Variants in TXNRD3 observed in about 807,000 individuals in gnomAD.
TXNRD3 encodes TXNRD3 neighbor gene protein.
A neutral mutation model predicts 78.2 loss-of-function variants in TXNRD3; 68 were observed. The observed-to-expected ratio is 0.87, with a 90% CI of 0.72 to 1.06. TXNRD3 has a LOEUF of 1.06. TXNRD3 is among the 50% of genes least tolerant of loss of function. The pLI, the probability that TXNRD3 is intolerant of heterozygous loss-of-function variation, is 0.00. For missense variants in TXNRD3, 751 were observed against 809.5 expected (o/e 0.93, Z 0.88); for synonymous variants, 296 against 300.1 (o/e 0.99, Z 0.14).
rs143350675 is a variant in TXNRD3 at position 126,631,508 on chromosome 3, C to T, written c.971+256G>A. Among the ~76,000 whole-genome samples, 31 of 151,948 alleles carry T rather than the reference C, an allele frequency of 2.0e-4. No individual in the cohort carries two copies. In the Middle Eastern group the frequency reaches 0.01, roughly 50 times the overall value. ...GTTTTGGCCTGTAAGAAGTTTAGAA[C>T]AAAACTCCCAGGCTACTTCTAGGAA... On this transcript the variant is annotated intron_variant, in intron 8 of 15. Transcript: ENST00000524230.
At chr3:126,616,286 C>A (rs982098335) in intron 12 of TXNRD3, among the ~76,000 whole-genome samples, 1 of 152,126 alleles carries the variant, frequency 6.6e-6, no homozygotes, top group Non-Finnish European at 1.5e-5. Flanking sequence ...GCCTGCTCAG[C>A]CACAGCCCCT....
At chr3:126,641,926 T>C (rs1216916272) in intron 6 of TXNRD3, 106 bp downstream of exon 6, 76 of 1,320,688 alleles carry the variant, frequency 5.8e-5, no homozygotes, top group Non-Finnish European at 7.3e-5. Flanking sequence ...TGAATGTTCA[T>C]TAAATGAATT....
chr3:126,654,967 C>A lies in TXNRD3; in HGVS notation c.24G>T (p.Ser8=), dbSNP rs1429838951. Residue 8 remains serine, a synonymous_variant, in exon 1 of 16, where the codon TCG becomes TCT. Transcript: ENST00000524230. ...CATCGCCCGCCTTTCCCGGCCCGGGCGACTGCGGCGGCGACCGCTCCAGAG... is the reference window on the plus strand; with the variant it reads ...CATCGCCCGCCTTTCCCGGCCCGGGAGACTGCGGCGGCGACCGCTCCAGAG... The A allele has an allele frequency of 3.1e-6, 4 of 1,299,028 alleles. No homozygotes were observed. The highest frequency in any genetic ancestry group is 4.0e-5 in the Admixed American group (1 of 24,758). The allele number at this position is 1,299,028 out of a possible 1,614,324, so 80.5% of individuals were successfully genotyped here.
At position 126,646,001 on chromosome 3, in the gene TXNRD3, T is replaced by G. The variant is rs2107627660; in HGVS notation, c.414+110A>C. On this transcript the variant is annotated intron_variant, in intron 3 of 15. Coordinates refer to ENST00000524230, the MANE Select transcript of TXNRD3 (RefSeq NM_052883.3). ...TGATAATTATCCTATATGCTTCATT[T>G]TATAACTTCCAAAAGATGAGTGGAC... 5 of 791,890 alleles carry G rather than the reference T, an allele frequency of 6.3e-6. No homozygotes were observed. The South Asian group carries it at 1.1e-4, about 17-fold the overall frequency. 49.1% of individuals were successfully genotyped at this position (791,890 alleles called of 1,614,324 possible).
chr3:126,612,194 C>T (rs893229406), intron 13 of TXNRD3, among the ~76,000 whole-genome samples: 7 of 152,030 alleles, frequency 4.6e-5, no homozygotes, highest in Non-Finnish European at 1.0e-4. Flanking sequence ...CGCATCTCCA[C>T]ACCTGGCTAA....
intron 1 of TXNRD3, among the ~76,000 whole-genome samples, chr3:126,650,649 A>AG (rs1489057896): frequency 6.6e-6 from 1 of 152,086 alleles, no homozygotes; most frequent in Admixed American, 6.5e-5. Context: ...TCAGAAAAAA[A>AG]AAAAAGACCT....
At chr3:126,621,591 T>C (rs951116263) in intron 12 of TXNRD3, 151 bp downstream of exon 12, 2 of 739,516 alleles carry the variant, frequency 2.7e-6, no homozygotes, top group African/African-American at 3.5e-5. Context: ...AAAATACTTA[T>C]TTTAATCCAT....
chr3:126,611,362 C>A (rs1014760888), intron 13 of TXNRD3, among the ~76,000 whole-genome samples: 14 of 152,080 alleles, frequency 9.2e-5, no homozygotes, highest in African/African-American at 3.4e-4. Context: ...TTAGTCCAAG[C>A]AAAAATCCAC....
Position 126,647,290 on chromosome 3 carries a change from C to T in TXNRD3, c.250G>A (p.Glu84Lys). Residue 84 changes from glutamate (E) to lysine (K), a missense_variant, in exon 2 of 16, where the codon GAA (glutamate) becomes AAA (lysine). Glu to Lys is a moderately conservative substitution (Grantham distance 56). Coordinates refer to ENST00000524230, the MANE Select transcript of TXNRD3 (RefSeq NM_052883.3). ...TCGACTCCCAAAGAAGAAAAGAGTTCTTTCACCTGTAAAAAAAATTTAGCT... is the reference window on the plus strand; with the variant it reads ...TCGACTCCCAAAGAAGAAAAGAGTTTTTTCACCTGTAAAAAAAATTTAGCT... 1 of 1,535,030 alleles carries T rather than the reference C, an allele frequency of 6.5e-7. No individual in the cohort carries two copies. Among genetic ancestry groups the T allele is most frequent in the Admixed American group, 2.0e-5 (1 of 50,824 alleles).
chr3:126,646,140 G>A lies in TXNRD3; in HGVS notation c.385C>T (p.His129Tyr), dbSNP rs774225065. ...AAAGTTTGGTCACATCCACCTACAT[G>A]CACTTTATTCACGAAAATATTGGGC... Residue 129 changes from histidine (H) to tyrosine (Y), a missense_variant, in exon 3 of 16, where the codon CAT (histidine) becomes TAT (tyrosine). His to Tyr is a moderately conservative substitution (Grantham distance 83). Coordinates refer to ENST00000524230, the MANE Select transcript of TXNRD3 (RefSeq NM_052883.3). The A allele has an allele frequency of 2.6e-6, 4 of 1,532,666 alleles. No individual in the cohort carries two copies. In the South Asian group the frequency reaches 4.8e-5, roughly 18 times the overall value. The allele number at this position is 1,532,666 out of a possible 1,614,324, so 94.9% of individuals were successfully genotyped here. A position where few individuals can be genotyped will look rare whatever the true frequency, so the allele number is the denominator to read the frequency against.
intron 13 of TXNRD3, among the ~76,000 whole-genome samples, chr3:126,611,843 AT>A (rs1213028595): frequency 6.6e-6 from 1 of 152,224 alleles, no homozygotes; most frequent in Non-Finnish European, 1.5e-5. Flanking sequence ...ATGGATTTAA[AT>A]TTAAAAATAC....
rs1444920526 is a variant in TXNRD3, at chr3:126,636,026, G to A, written c.713-1975C>T. On this transcript the variant is annotated intron_variant, in intron 6 of 15. Coordinates refer to ENST00000524230, the MANE Select transcript of TXNRD3 (RefSeq NM_052883.3). ...GGCTCACTGCAGCCTTGACCTCCCAGGTCCAAGTAATTCTCCTGCCTCAGC... is the reference window on the plus strand; with the variant it reads ...GGCTCACTGCAGCCTTGACCTCCCAAGTCCAAGTAATTCTCCTGCCTCAGC... 2.6e-5 allele frequency among the ~76,000 whole-genome samples: 4 copies of A among 152,134 alleles called. 1 individual carries two copies. The highest frequency in any genetic ancestry group is 9.7e-5 in the African/African-American group (4 of 41,424).
intron 1 of TXNRD3, 107 bp downstream of exon 1, chr3:126,654,641 G>A (rs1007135786): frequency 1.8e-5 from 11 of 607,716 alleles, no homozygotes; most frequent in East Asian, 1.1e-4. Flanking sequence ...CCTCACCGCC[G>A]CAGCCCGGGA....
intron 6 of TXNRD3, among the ~76,000 whole-genome samples, chr3:126,636,045 C>T (rs143404860): frequency 0.012 from 1,800 of 152,286 alleles, 18 homozygotes; most frequent in Middle Eastern, 0.048. Flanking sequence ...AATTCTCCTG[C>T]CTCAGCCTTT....
chr3:126,644,155 A>T, intron 4 of TXNRD3, 102 bp from the exon 5 acceptor site: 1 of 1,386,140 alleles, frequency 7.2e-7, no homozygotes, highest in South Asian at 1.3e-5. Context: ...TGTGTGACAC[A>T]CAATCTTTTA....
chr3:126,649,192 T>C (rs1000488037), intron 1 of TXNRD3, among the ~76,000 whole-genome samples: 5 of 152,208 alleles, frequency 3.3e-5, no homozygotes, highest in Admixed American at 2.0e-4. Flanking sequence ...CACTTGAATA[T>C]AGATTTCTTC....
rs1576300761 is a variant in TXNRD3 at position 126,654,867 on chromosome 3, A to G, written c.124T>C (p.Ser42Pro). Residue 42 changes from serine to proline, a missense_variant, in exon 1 of 16, where the codon TCC becomes CCC. By Grantham distance (74) the Ser-to-Pro change is moderately conservative (BLOSUM62 -1). Coordinates refer to ENST00000524230, the MANE Select transcript of TXNRD3 (RefSeq NM_052883.3). The stretch of plus-strand genomic sequence containing the variant: ...TCGGACGAGCGGCTGGGCCCGGGGG[A>G]CGACAGGCGGGCACGGCGCCCCGGC... 7.5e-7 allele frequency: 1 copy of G among 1,339,004 alleles called. No individual in the cohort carries two copies. The highest frequency in any genetic ancestry group is 1.9e-5 in the South Asian group (1 of 51,920). The allele number at this position is 1,339,004 out of a possible 1,614,324, so 82.9% of individuals were successfully genotyped here. A position where few individuals can be genotyped will look rare whatever the true frequency, so the allele number is the denominator to read the frequency against.
intron 6 of TXNRD3, among the ~76,000 whole-genome samples, chr3:126,638,051 CTCTTGCCTCA>C (rs1026444780): frequency 5.9e-5 from 8 of 136,158 alleles, no homozygotes; most frequent in Admixed American, 1.7e-4. Flanking sequence ...TCAAGCGATT[CTCTTGCCTCA>C]ACCTCCCGAG....
At chr3:126,619,102 C>A (rs1938384487) in intron 12 of TXNRD3, among the ~76,000 whole-genome samples, 1 of 152,046 alleles carries the variant, frequency 6.6e-6, no homozygotes. Context: ...GGAACTCTTA[C>A]ATACTGTTAG....
Sources: gnomAD v4.1 joint callset for allele counts (sites outside exome capture counted in the v4.1 genomes callset) on GRCh38, gnomAD v4.1.1 for gene constraint, MANE v1.5 for transcripts, NCBI Gene and HGNC (gene_info 2026-07-23, HGNC 2026-07-21) for gene names.